Variants in TNS3 observed in about 807,000 individuals in gnomAD.
TNS3 encodes the protein tensin-3.
In TNS3, 45 loss-of-function variants were observed where a neutral mutation model predicts 140.9. The observed-to-expected ratio is 0.32, with a 90% CI of 0.25 to 0.41. TNS3 has a LOEUF of 0.41. Among genes scored for constraint, TNS3 ranks in the 10% least tolerant of loss-of-function variants. TNS3 has a pLI of 1.00. For synonymous variants in TNS3, 815 were observed against 788.4 expected, an observed-to-expected ratio of 1.03 and a Z score of -0.56; for missense variants, 1,716 against 1,906.7, an observed-to-expected ratio of 0.90 and a Z score of 1.86.
At chr7:47,364,015 T>G (rs572251200) in intron 17 of TNS3, among the ~76,000 whole-genome samples, 1 of 152,016 alleles carries the variant, frequency 6.6e-6, no homozygotes, top group Admixed American at 6.6e-5. Context: ...TCCAGCAGCA[T>G]CCCCAACCTT....
At chr7:47,519,332 C>T (rs2151913804) in intron 2 of TNS3, among the ~76,000 whole-genome samples, 1 of 150,266 alleles carries the variant, frequency 6.7e-6, no homozygotes, top group East Asian at 2.0e-4. Flanking sequence ...TCATATTATA[C>T]AATATTGCAG....
intron 1 of TNS3, among the ~76,000 whole-genome samples, chr7:47,561,546 G>A (rs950123581): frequency 3.9e-5 from 6 of 152,074 alleles, no homozygotes; most frequent in Non-Finnish European, 8.8e-5. Flanking sequence ...CTACTAGGAA[G>A]CTCATAGCCA....
intron 16 of TNS3, among the ~76,000 whole-genome samples, chr7:47,371,904 C>T (rs925169805): frequency 1.3e-5 from 2 of 152,176 alleles, no homozygotes; most frequent in Non-Finnish European, 2.9e-5. Context: ...TCAGCTTCCC[C>T]GCTATAAAAT....
intron 16 of TNS3, among the ~76,000 whole-genome samples, chr7:47,387,745 G>A (rs965879756): frequency 1.3e-5 from 2 of 152,186 alleles, no homozygotes; most frequent in Admixed American, 1.3e-4. Flanking sequence ...TTCCTTCAAG[G>A]CTGAAAGAGA....
At chr7:47,530,900 C>T (rs1157490758) in intron 1 of TNS3, among the ~76,000 whole-genome samples, 1 of 143,740 alleles carries the variant, frequency 7.0e-6, no homozygotes, top group Non-Finnish European at 1.5e-5. Context: ...CCAAGGCATA[C>T]AATAATCAAA....
At position 47,538,975 on chromosome 7, in the gene TNS3, T is replaced by C. The variant is rs76470709; in HGVS notation, c.-264-9828A>G. 1,183 of 456,110 alleles carry C rather than the reference T, an allele frequency of 2.6e-3. 13 individuals carry two copies. Among genetic ancestry groups the C allele is most frequent in the African/African-American group, 0.021 (1,076 of 50,180 alleles). The allele number at this position is 456,110 out of a possible 1,614,324, so 28.3% of individuals were successfully genotyped here. A position where few individuals can be genotyped will look rare whatever the true frequency, so the allele number is the denominator to read the frequency against. On this transcript the variant is annotated intron_variant, in intron 1 of 30. Transcript: ENST00000311160. ...CACATCTGACACAATACCAGGTACA[T>C]AGCAGTGCCTACAAACAGCTAAGAA...
intron 17 of TNS3, among the ~76,000 whole-genome samples, chr7:47,358,716 G>A (rs376840904): frequency 6.6e-6 from 1 of 152,242 alleles, no homozygotes; most frequent in East Asian, 1.9e-4. Context: ...CCACAATGCA[G>A]TGGACATGTG....
chr7:47,389,079 A>AGGAAGTGGAAGC lies in TNS3; in HGVS notation c.1024+7720_1024+7721insGCTTCCACTTCC, dbSNP rs1562675248. Among the ~76,000 whole-genome samples the AGGAAGTGGAAGC allele has an allele frequency of 2.1e-4, 13 of 62,140 alleles. 1 individual carries two copies. Among genetic ancestry groups the AGGAAGTGGAAGC allele is most frequent in the East Asian group, 1.6e-3 (2 of 1,250 alleles). 40.8% of individuals were successfully genotyped at this position (62,140 alleles called of 152,430 possible). A position where few individuals can be genotyped will look rare whatever the true frequency, so the allele number is the denominator to read the frequency against. ...GAAGAAGAAGAAGAAGAAGAAGAAG[A>AGGAAGTGGAAGC]AGAAGAGGAAGAGGAAGAGGAAGCG... On this transcript the variant is annotated intron_variant, in intron 16 of 30. Transcript: ENST00000311160.
intron 9 of TNS3, among the ~76,000 whole-genome samples, chr7:47,426,787 G>A (rs1427399183): frequency 6.6e-6 from 1 of 152,122 alleles, no homozygotes; most frequent in Non-Finnish European, 1.5e-5. Flanking sequence ...TATCCACAGT[G>A]CATGGAACTT....
intron 4 of TNS3, among the ~76,000 whole-genome samples, chr7:47,479,037 T>A (rs1271402060): frequency 1.3e-5 from 2 of 152,022 alleles, no homozygotes; most frequent in Non-Finnish European, 1.5e-5. Flanking sequence ...GTGAAAAGGT[T>A]AACAGGGAGG....
rs1447659601 is a variant in TNS3 at position 47,396,887 on chromosome 7, T to G, written c.937A>C (p.Asn313His). ...TAGTCCACAATCACACCGTGGTCGT[T>G]GTACAAGTGTTCGGACCCTGCACAG... is the stretch of plus-strand genomic sequence containing the variant. ...EKIQGSEHLY[N>H]DHGVIVDYNT... The change falls in exon 16 of 31, where the codon AAC (asparagine) becomes CAC (histidine). Residue 313 changes from asparagine to histidine, a missense_variant. Asn to His is a moderately conservative substitution (Grantham distance 68, BLOSUM62 1). Around this residue, in one of 3 missense-constraint regions of TNS3, gnomAD observed 337 missense variants for 428.9 expected, o/e 0.79. Coordinates refer to ENST00000311160, the MANE Select transcript of TNS3 (RefSeq NM_022748.12). The G allele has an allele frequency of 6.2e-7, 1 of 1,613,968 alleles. No individual in the cohort carries two copies. Among genetic ancestry groups the G allele is most frequent in the Non-Finnish European group, 8.5e-7 (1 of 1,179,964 alleles).
chr7:47,400,989 C>T (rs986845460), intron 13 of TNS3, 75 bp from the exon 14 acceptor site: 16 of 1,586,446 alleles, frequency 1.0e-5, no homozygotes, highest in Admixed American at 6.8e-5. Flanking sequence ...ACACACTCCG[C>T]GGAGGCCGGC....
At chr7:47,483,263 G>A (rs1002308873) in intron 3 of TNS3, among the ~76,000 whole-genome samples, 6 of 151,322 alleles carry the variant, frequency 4.0e-5, no homozygotes, top group African/African-American at 1.5e-4. Flanking sequence ...TCCGCCTCCC[G>A]GGTTCACGCC....
intron 1 of TNS3, 92 bp downstream of exon 1, chr7:47,581,959 T>G (rs1032877354): frequency 7.3e-5 from 11 of 151,242 alleles, no homozygotes; most frequent in African/African-American, 2.7e-4. Context: ...CAAGCCTCGT[T>G]CCTGCGCCCG....
At chr7:47,495,105 A>G (rs911221190) in intron 3 of TNS3, among the ~76,000 whole-genome samples, 12 of 148,094 alleles carry the variant, frequency 8.1e-5, no homozygotes, top group South Asian at 2.2e-4. Flanking sequence ...GCAGGAGAAT[A>G]GCGTGAACCC....
At chr7:47,392,577 TC>T (rs1459171273) in intron 16 of TNS3, among the ~76,000 whole-genome samples, 1 of 152,170 alleles carries the variant, frequency 6.6e-6, no homozygotes, top group Non-Finnish European at 1.5e-5. Flanking sequence ...TGCCAAACCT[TC>T]CTTAACTCCT....
At chr7:47,519,345 T>C (rs1037581727) in intron 2 of TNS3, among the ~76,000 whole-genome samples, 1 of 150,194 alleles carries the variant, frequency 6.7e-6, no homozygotes, top group African/African-American at 2.4e-5. Context: ...TATTGCAGAA[T>C]GAAAGGAAAG....
intron 1 of TNS3, chr7:47,579,766 A>T: frequency 1.2e-6 from 1 of 833,780 alleles, no homozygotes; most frequent in Non-Finnish European, 1.4e-6. Context: ...CATCTGTAAA[A>T]TGGGTCCTTG....
intron 11 of TNS3, among the ~76,000 whole-genome samples, chr7:47,414,772 A>G (rs1363182469): frequency 1.3e-5 from 2 of 152,208 alleles, no homozygotes; most frequent in Non-Finnish European, 2.9e-5. Flanking sequence ...TGTGACCTCA[A>G]GGCCAACTGC....
Sources: gnomAD v4.1 joint callset for allele counts (sites outside exome capture counted in the v4.1 genomes callset) on GRCh38, gnomAD v4.1.1 for gene constraint, gnomAD v4.1.1 regional missense constraint, MANE v1.5 for transcripts, NCBI Gene and HGNC (gene_info 2026-07-23, HGNC 2026-07-21) for gene names.